The following DCUN1D1 variants were observed in gnomAD, a reference collection of about 807,000 sequenced individuals.
DCUN1D1 encodes defective in cullin neddylation 1 domain containing 1.
Under a neutral mutation model 39.0 loss-of-function variants are expected in DCUN1D1, and 3 were observed. That is an observed-to-expected ratio of 0.08 (90% CI 0.04 to 0.20). The LOEUF (loss-of-function observed/expected upper bound fraction) is 0.20. Ranked by LOEUF, DCUN1D1 falls within the 10% of genes least tolerant of loss-of-function variation. DCUN1D1 has a pLI of 1.00. For missense variants in DCUN1D1, 158 were observed against 302.4 expected (o/e 0.52, Z 3.54); for synonymous variants, 82 against 96.3 (o/e 0.85, Z 0.87).
chr3:182,942,949 T>A lies in DCUN1D1; in HGVS notation c.*2145A>T, dbSNP rs1726204518. 1 of 152,138 alleles carries A rather than the reference T, an allele frequency of 6.6e-6. No homozygotes were observed. Among genetic ancestry groups the A allele is most frequent in the Non-Finnish European group, 1.5e-5 (1 of 67,920 alleles). The allele number at this position is 152,138 out of a possible 1,614,324, so 9.4% of individuals were successfully genotyped here. A position where few individuals can be genotyped will look rare whatever the true frequency, so the allele number is the denominator to read the frequency against. ...TGCTACATAATTATATTCAAAGCTTTATGTATTTTTGTTTATAATTACACA... is the reference window on the plus strand; with the variant it reads ...TGCTACATAATTATATTCAAAGCTTAATGTATTTTTGTTTATAATTACACA... On this transcript the variant is annotated 3_prime_UTR_variant, in exon 7 of 7. Coordinates refer to ENST00000292782, the MANE Select transcript of DCUN1D1 (RefSeq NM_020640.4).
Position 182,944,527 on chromosome 3 carries a change from TACTC to T in DCUN1D1, c.*563_*566del, listed in dbSNP as rs1431193062. On this transcript the variant is annotated 3_prime_UTR_variant, in exon 7 of 7. Coordinates refer to ENST00000292782, the MANE Select transcript of DCUN1D1 (RefSeq NM_020640.4). ...ATTCTGACATTGTTTTTTCATCAGA[TACTC>T]ACATCAACAACACATGTGATTTGCC... The T allele has an allele frequency of 6.6e-6, 1 of 152,034 alleles. No homozygotes were observed. Among genetic ancestry groups the T allele is most frequent in the African/African-American group, 2.4e-5 (1 of 41,268 alleles). The allele number at this position is 152,034 out of a possible 1,614,324, so 9.4% of individuals were successfully genotyped here. A position where few individuals can be genotyped will look rare whatever the true frequency, so the allele number is the denominator to read the frequency against.
chr3:182,981,432 G>A (rs1428367603), upstream of DCUN1D1, among the ~76,000 whole-genome samples: 3 of 152,230 alleles, frequency 2.0e-5, no homozygotes, highest in Admixed American at 1.3e-4. Flanking sequence ...AGGATTCTGA[G>A]CTGAGGATCA....
intron 4 of DCUN1D1, among the ~76,000 whole-genome samples, chr3:182,948,390 G>A (rs1577159158): frequency 6.6e-6 from 1 of 152,068 alleles, no homozygotes; most frequent in East Asian, 1.9e-4. Context: ...CAATAATGCC[G>A]CATAAGAAAG....
rs537305921 is a variant in DCUN1D1 at position 182,975,618 on chromosome 3, G to A, written c.3+4869C>T. ...AGGTCACTATTATTCAGCATGACAA[G>A]GAAGAAACCAGAGTAAAACTAAACA... is the stretch of plus-strand genomic sequence containing the variant. On this transcript the variant is annotated intron_variant, in intron 1 of 6. Coordinates refer to ENST00000292782, the MANE Select transcript of DCUN1D1 (RefSeq NM_020640.4). Among the ~76,000 whole-genome samples the A allele has an allele frequency of 1.7e-4, 26 of 150,584 alleles. No individual in the cohort carries two copies. The South Asian group carries it at 4.8e-3, about 28-fold the overall frequency.
intron 4 of DCUN1D1, among the ~76,000 whole-genome samples, chr3:182,948,154 G>C (rs1168096252): frequency 6.6e-6 from 1 of 152,152 alleles, no homozygotes; most frequent in East Asian, 1.9e-4. Flanking sequence ...ACCCAGATGA[G>C]AATCCCTGAT....
At chr3:182,961,735 C>A (rs904092395) in intron 3 of DCUN1D1, among the ~76,000 whole-genome samples, 6 of 152,096 alleles carry the variant, frequency 3.9e-5, no homozygotes, top group African/African-American at 1.4e-4. Context: ...TAATTAATCG[C>A]GTCTACTATC....
At chr3:182,979,883 G>C (rs1295236129) in intron 1 of DCUN1D1, among the ~76,000 whole-genome samples, 1 of 152,148 alleles carries the variant, frequency 6.6e-6, no homozygotes, top group Non-Finnish European at 1.5e-5. Context: ...TTCTCCAAAA[G>C]CATGGGACGC....
rs200199547 is a variant in DCUN1D1, at chr3:182,964,066, G to A, written c.221-17C>T. On this transcript the variant is annotated splice_polypyrimidine_tract_variant and intron_variant, in intron 2 of 6. Transcript: ENST00000292782. ...CTTGAGGGTCTTTAAAAATAACAAT[G>A]CAATATTAAAGTAGTGTCATATTAT... 4.4e-6 allele frequency: 7 copies of A among 1,589,332 alleles called. No homozygotes were observed. Among genetic ancestry groups the A allele is most frequent in the Non-Finnish European group, 6.0e-6 (7 of 1,161,388 alleles).
chr3:182,947,310 T>C lies in DCUN1D1; in HGVS notation c.628A>G (p.Lys210Glu). The change falls in exon 6 of 7, where the codon AAA becomes GAA. Residue 210 changes from lysine to glutamate, a missense_variant. Lys to Glu is a moderately conservative substitution (Grantham distance 56). Coordinates refer to ENST00000292782, the MANE Select transcript of DCUN1D1 (RefSeq NM_020640.4). ...LLEHHKRSIPKDTWNLLLDFS... is the reference protein window; with the variant it reads ...LLEHHKRSIPEDTWNLLLDFS... ...TCTAAAAGAAGATTCCAAGTGTCTT[T>C]TGGTATTGATCGTTTATGATGTTCC... is the stretch of plus-strand genomic sequence containing the variant. 6.2e-7 allele frequency: 1 copy of C among 1,608,818 alleles called. No homozygotes were observed. The highest frequency in any genetic ancestry group is 1.1e-5 in the South Asian group (1 of 89,800).
At chr3:182,955,671 C>T (rs888594862) in intron 4 of DCUN1D1, 1 of 350,352 alleles carries the variant, frequency 2.9e-6, no homozygotes, top group Non-Finnish European at 5.7e-6. Context: ...GCAACCTCCA[C>T]CTCCCAAGTT....
At chr3:182,947,384 C>G (rs751980973) in intron 5 of DCUN1D1, 50 bp from the exon 6 acceptor site, 1 of 1,336,022 alleles carries the variant, frequency 7.5e-7, no homozygotes. Flanking sequence ...AAAAGAGCTG[C>G]ACAAAAACAG....
intron 1 of DCUN1D1, among the ~76,000 whole-genome samples, chr3:182,977,924 CA>C (rs1553845926): frequency 1.3e-5 from 2 of 151,636 alleles, no homozygotes; most frequent in Non-Finnish European, 2.9e-5. Context: ...CCTATAATCC[CA>C]GCTACTTGGG....
upstream of DCUN1D1, among the ~76,000 whole-genome samples, chr3:182,981,998 T>A (rs1055561267): frequency 2.0e-5 from 3 of 152,216 alleles, no homozygotes; most frequent in African/African-American, 7.2e-5. Context: ...TCTCCAGGAA[T>A]TCACCTAGCT....
chr3:182,973,546 C>T (rs1728057677), intron 1 of DCUN1D1, among the ~76,000 whole-genome samples: 2 of 152,184 alleles, frequency 1.3e-5, no homozygotes, highest in Admixed American at 6.5e-5. Flanking sequence ...CAGTGGCTCA[C>T]GCCTATAATC....
intron 3 of DCUN1D1, 69 bp downstream of exon 3, chr3:182,963,812 T>C (rs1042328277): frequency 4.5e-6 from 6 of 1,340,232 alleles, no homozygotes; most frequent in Non-Finnish European, 6.1e-6. Context: ...AAATTTACAC[T>C]AAAAAGTTCA....
At chr3:182,961,466 A>C in intron 3 of DCUN1D1, 110 bp from the exon 4 acceptor site, 1 of 1,021,074 alleles carries the variant, frequency 9.8e-7, no homozygotes, top group Non-Finnish European at 1.5e-6. Context: ...TTTTTTAAAA[A>C]TCAAATAGTT....
intron 4 of DCUN1D1, chr3:182,956,204 G>A (rs1417357277): frequency 3.9e-6 from 1 of 256,202 alleles, no homozygotes; most frequent in Non-Finnish European, 8.0e-6. Flanking sequence ...TAGGATTATA[G>A]GCGTGAGCCA....
upstream of DCUN1D1, among the ~76,000 whole-genome samples, chr3:182,984,296 A>G (rs1286486935): frequency 3.3e-5 from 5 of 152,236 alleles, no homozygotes; most frequent in East Asian, 7.7e-4. Context: ...TTATTACTCA[A>G]TCATCATGAT....
intron 1 of DCUN1D1, among the ~76,000 whole-genome samples, chr3:182,970,270 AAAAAG>A (rs1210515392): frequency 2.0e-5 from 3 of 152,164 alleles, no homozygotes; most frequent in African/African-American, 4.8e-5. Flanking sequence ...ACCCCCCAAA[AAAAAG>A]AAAAGAAAAG....
Sources: gnomAD v4.1 joint callset for allele counts (sites outside exome capture counted in the v4.1 genomes callset) on GRCh38, gnomAD v4.1.1 for gene constraint, MANE v1.5 for transcripts, NCBI Gene and HGNC (gene_info 2026-07-23, HGNC 2026-07-21) for gene names.